Variants in ATM observed in about 807,000 individuals in gnomAD.
ATM encodes the protein serine-protein kinase ATM.
ATM carries 308 observed loss-of-function variants against 387.0 expected under a neutral mutation model. The ratio of observed to expected loss-of-function variants is 0.80; its 90% confidence interval spans 0.73 to 0.87. The LOEUF is 0.87. Ranked by LOEUF, ATM falls within the 40% of genes least tolerant of loss-of-function variation. The pLI is 0.00. For synonymous variants in ATM, 1,156 were observed against 1,187.3 expected, an observed-to-expected ratio of 0.97 and a Z score of 0.54; for missense variants, 3,312 against 3,560.9, an observed-to-expected ratio of 0.93 and a Z score of 1.78.
At chr11:108,333,477 AT>A (rs2136596878) in intron 53 of ATM, among the ~76,000 whole-genome samples, 1 of 152,322 alleles carries the variant, frequency 6.6e-6, no homozygotes. Flanking sequence ...TTAAATTCTT[AT>A]TACTTGAAAA....
intron 38 of ATM, among the ~76,000 whole-genome samples, chr11:108,308,367 GTCT>G (rs1262412647): frequency 5.3e-5 from 8 of 152,088 alleles, no homozygotes; most frequent in African/African-American, 1.9e-4. Context: ...TTGTGTAAAT[GTCT>G]TCTTTATGTA....
intron 37 of ATM, among the ~76,000 whole-genome samples, chr11:108,306,187 A>T (rs1388731258): frequency 6.6e-6 from 1 of 152,174 alleles, no homozygotes. Context: ...GCAATTACAA[A>T]TCTACTATTT....
intron 5 of ATM, among the ~76,000 whole-genome samples, chr11:108,240,102 C>T (rs1438718769): frequency 6.6e-6 from 1 of 152,220 alleles, no homozygotes; most frequent in African/African-American, 2.4e-5. Context: ...TGCTGGGACA[C>T]ATCATTATTA....
At chr11:108,289,539 G>C (rs2135757813) in intron 28 of ATM, 63 bp from the exon 29 acceptor site, 1 of 1,200,656 alleles carries the variant, frequency 8.3e-7, no homozygotes, top group East Asian at 2.5e-5. Flanking sequence ...AAAATATAAA[G>C]TGTATTTATT....
At chr11:108,283,370 G>C (rs624366) in intron 25 of ATM, among the ~76,000 whole-genome samples, 79,799 of 151,968 alleles carry the variant, frequency 0.53, 21,769 homozygotes, top group Middle Eastern at 0.73. Context: ...TAACTCTGTA[G>C]AAGAAAAATT....
At chr11:108,301,901 C>T (rs146906288) in intron 35 of ATM, 112 bp downstream of exon 35, 2 of 1,155,260 alleles carry the variant, frequency 1.7e-6, no homozygotes, top group East Asian at 2.5e-5. Flanking sequence ...AACTATTAAC[C>T]TTTCCTATAA....
rs750504746 is a variant in ATM, at chr11:108,268,594, C to A, written c.2823C>A (p.Ser941=). 49 of 1,613,812 alleles carry A rather than the reference C, an allele frequency of 3.0e-5. 1 individual carries two copies. The South Asian group carries it at 5.2e-4, about 17-fold the overall frequency. Residue 941 remains serine, a synonymous_variant, in exon 18 of 63, where the codon TCC becomes TCA. Coordinates refer to ENST00000675843, the MANE Select transcript of ATM (RefSeq NM_000051.4). The part of the protein sequence containing the change: ...IDSSTLEPTK[S]LHLHMYLMLL... ...CTAGCACGCTAGAACCTACCAAATC[C>A]CTCCACCTGCATATGGTGAGTTACG...
In ATM at chr11:108,227,879, C is replaced by T. The variant is rs760880388; in HGVS notation, c.176C>T (p.Ala59Val). The change falls in exon 3 of 63, where the codon GCT becomes GTT. Residue 59 changes from alanine (A) to valine (V), a missense_variant. This residue lies in a region of ATM where 1,791 missense variants were observed against 1,804.5 expected (regional missense o/e 0.99). Coordinates refer to ENST00000675843, the MANE Select transcript of ATM (RefSeq NM_000051.4). ...SKQGKYLNWD[A>V]VFRFLQKYIQ... is the part of the protein sequence containing the mutation. ...CAAGGAAAATATTTGAATTGGGATG[C>T]TGTTTTTAGGTATTCTATTCAAATT... 6.2e-7 allele frequency: 1 copy of T among 1,610,352 alleles called. No homozygotes were observed. The highest frequency in any genetic ancestry group is 8.5e-7 in the Non-Finnish European group (1 of 1,177,750).
intron 22 of ATM, among the ~76,000 whole-genome samples, chr11:108,278,470 T>C (rs986842700): frequency 2.6e-5 from 4 of 152,090 alleles, no homozygotes; most frequent in Admixed American, 2.6e-4. Context: ...AGTAGCATTC[T>C]TTTTTTTAAT....
chr11:108,333,989 G>T (rs1317848959), intron 54 of ATM, 21 bp downstream of exon 54: 1 of 1,568,640 alleles, frequency 6.4e-7, no homozygotes. Context: ...ATTAACTCTT[G>T]ATTTTTTTTA....
At chr11:108,228,561 GT>G (rs2135024643) in intron 3 of ATM, among the ~76,000 whole-genome samples, 1 of 152,306 alleles carries the variant, frequency 6.6e-6, no homozygotes, top group East Asian at 1.9e-4. Context: ...GTCCTTCAGT[GT>G]TTATGACAGA....
At chr11:108,267,142 T>C (rs368934495) in intron 16 of ATM, 29 bp from the exon 17 acceptor site, 5 of 1,612,138 alleles carry the variant, frequency 3.1e-6, no homozygotes, top group Admixed American at 1.7e-5. Flanking sequence ...AGAAGCCATC[T>C]TGAACATCTT....
intron 11 of ATM, among the ~76,000 whole-genome samples, chr11:108,252,297 C>T (rs1408940319): frequency 6.6e-6 from 1 of 152,098 alleles, no homozygotes; most frequent in Non-Finnish European, 1.5e-5. Context: ...TTTATGTGTT[C>T]CTTTCTGATT....
chr11:108,353,296 C>G (rs538082366), intron 59 of ATM, among the ~76,000 whole-genome samples: 5 of 152,108 alleles, frequency 3.3e-5, no homozygotes, highest in African/African-American at 1.2e-4. Flanking sequence ...TTATAGGCAC[C>G]TGCTACCACA....
At chr11:108,289,879 G>GTTTTT in intron 29 of ATM, 78 bp downstream of exon 29, 3 of 1,421,942 alleles carry the variant, frequency 2.1e-6, no homozygotes, top group Non-Finnish European at 2.9e-6. Flanking sequence ...GTTTTGTTTT[G>GTTTTT]TTTTGAGACA....
intron 20 of ATM, 96 bp downstream of exon 20, chr11:108,271,502 C>T (rs2081582912): frequency 1.5e-6 from 2 of 1,370,184 alleles, no homozygotes; most frequent in Middle Eastern, 1.8e-4. Flanking sequence ...TTCTGATCTT[C>T]CTACATAGCT....
intron 5 of ATM, among the ~76,000 whole-genome samples, chr11:108,238,489 G>T (rs1420005174): frequency 6.6e-6 from 1 of 152,066 alleles, no homozygotes; most frequent in African/African-American, 2.4e-5. Context: ...TAAACATAAA[G>T]ATTTTGTATA....
intron 16 of ATM, among the ~76,000 whole-genome samples, chr11:108,262,636 T>C (rs888615506): frequency 6.6e-6 from 1 of 152,076 alleles, no homozygotes; most frequent in Non-Finnish European, 1.5e-5. Flanking sequence ...CATAACAATG[T>C]TAACTTTAAA....
intron 29 of ATM, 68 bp downstream of exon 29, chr11:108,289,869 G>C (rs1293042283): frequency 6.9e-7 from 1 of 1,452,362 alleles, no homozygotes; most frequent in Non-Finnish European, 9.5e-7. Context: ...TTTTTGCTTT[G>C]TTTTGTTTTG....
Sources: allele counts gnomAD v4.1 joint callset (sites outside exome capture counted in the v4.1 genomes callset), GRCh38; gene constraint gnomAD v4.1.1; regional missense constraint gnomAD v4.1.1; transcripts MANE v1.5; gene names NCBI Gene and HGNC (gene_info 2026-07-23, HGNC 2026-07-21).